The following COPA variants were observed in gnomAD, a reference collection of about 807,000 sequenced individuals.
COPA encodes coat protein complex I subunit alpha, also known as coatomer subunit alpha.
COPA carries 10 observed loss-of-function variants against 158.7 expected under a neutral mutation model. The observed-to-expected ratio is 0.06, with a 90% CI of 0.04 to 0.11. The LOEUF is 0.11. COPA is among the 10% of genes least tolerant of loss of function. The pLI is 1.00. For missense variants in COPA, 1,065 were observed against 1,536.7 expected, an observed-to-expected ratio of 0.69 and a Z score of 5.13; for synonymous variants, 462 against 542.8, an observed-to-expected ratio of 0.85 and a Z score of 2.07.
At position 160,310,128 on chromosome 1, in the gene COPA, A is replaced by G. The variant is rs1030345633; in HGVS notation, c.1143+64T>C. On this transcript the variant is annotated intron_variant, in intron 12 of 32. Transcript: ENST00000241704. ...CTAAGAAGCCATTAAAGATTCCCTAAGGGCATAAGAAAGAGACCTATGGAA... is the reference window on the plus strand; with the variant it reads ...CTAAGAAGCCATTAAAGATTCCCTAGGGGCATAAGAAAGAGACCTATGGAA... The G allele has an allele frequency of 5.0e-6, 5 of 997,614 alleles. No homozygotes were observed. The Admixed American group carries it at 1.1e-4, about 22-fold the overall frequency. The allele number at this position is 997,614 out of a possible 1,614,324, so 61.8% of individuals were successfully genotyped here.
intron 1 of COPA, among the ~76,000 whole-genome samples, chr1:160,341,014 C>T (rs1332617785): frequency 6.6e-6 from 1 of 152,208 alleles, no homozygotes; most frequent in Non-Finnish European, 1.5e-5. Context: ...ACAGGACTCA[C>T]CTTGTTTATT....
intron 3 of COPA, chr1:160,339,705 AT>A: frequency 2.0e-6 from 1 of 500,786 alleles, no homozygotes. Context: ...TTTCTTATTT[AT>A]TTTTGAATTC....
chr1:160,327,410 G>A (rs2101865514), intron 6 of COPA, among the ~76,000 whole-genome samples: 1 of 144,396 alleles, frequency 6.9e-6, no homozygotes, highest in South Asian at 2.3e-4. Context: ...GACGGCGCAT[G>A]CCTGTAATCC....
At chr1:160,320,651 TAGAAAAACTTCTAA>T (rs1659302908) in intron 8 of COPA, among the ~76,000 whole-genome samples, 1 of 55,786 alleles carries the variant, frequency 1.8e-5, no homozygotes, top group African/African-American at 7.5e-5. Context: ...CACGATAAAA[TAGAAAAACTTCTAA>T]AAACCAGTGC....
chr1:160,334,461 T>C (rs1236864508), intron 4 of COPA, among the ~76,000 whole-genome samples: 3 of 152,216 alleles, frequency 2.0e-5, no homozygotes, highest in Admixed American at 1.3e-4. Flanking sequence ...TCCTACTTAA[T>C]AAGTTATCTT....
chr1:160,342,673 C>T (rs191807233), intron 1 of COPA, among the ~76,000 whole-genome samples: 94 of 152,270 alleles, frequency 6.2e-4, no homozygotes, highest in African/African-American at 2.1e-3. Flanking sequence ...TGTTGAGATG[C>T]TGCAGCCAAG....
chr1:160,313,963 T>C, intron 9 of COPA, 27 bp downstream of exon 9: 1 of 1,556,728 alleles, frequency 6.4e-7, no homozygotes. Context: ...TAAGAGAAAG[T>C]TCACACAACA....
chr1:160,326,020 G>A, intron 6 of COPA: 2 of 173,292 alleles, frequency 1.2e-5, no homozygotes, highest in Non-Finnish European at 2.5e-5. Context: ...GGCCCCAAAT[G>A]GTAAACATTC....
chr1:160,339,318 T>C (rs1335548085), intron 3 of COPA: 1 of 152,218 alleles, frequency 6.6e-6, no homozygotes, highest in African/African-American at 2.4e-5. Context: ...AATCTTTTCT[T>C]TAATTACCAC....
chr1:160,299,022 G>A, intron 18 of COPA, 31 bp from the exon 19 acceptor site: 1 of 1,610,516 alleles, frequency 6.2e-7, no homozygotes, highest in Non-Finnish European at 8.5e-7. Context: ...CGGGCAAGAA[G>A]TAGACATCAC....
At chr1:160,336,116 C>G (rs1374696149) in intron 3 of COPA, among the ~76,000 whole-genome samples, 1 of 149,228 alleles carries the variant, frequency 6.7e-6, no homozygotes, top group East Asian at 1.9e-4. Context: ...GAGGTCAAGG[C>G]AGGGGGATCA....
At chr1:160,317,062 C>T (rs1659170334) in intron 8 of COPA, among the ~76,000 whole-genome samples, 1 of 151,962 alleles carries the variant, frequency 6.6e-6, no homozygotes, top group African/African-American at 2.4e-5. Context: ...CCATACAGGC[C>T]AAGAGAGAGA....
At chr1:160,304,425 G>T (rs1023996489) in intron 17 of COPA, among the ~76,000 whole-genome samples, 3 of 151,892 alleles carry the variant, frequency 2.0e-5, no homozygotes, top group South Asian at 4.1e-4. Flanking sequence ...CAGCACTTTG[G>T]GGGGCCAAGG....
At chr1:160,315,107 G>A (rs1461871153) in intron 8 of COPA, among the ~76,000 whole-genome samples, 2 of 152,158 alleles carry the variant, frequency 1.3e-5, no homozygotes, top group Admixed American at 6.5e-5. Flanking sequence ...TGGGGCCACA[G>A]AGAGATGAAA....
In COPA at chr1:160,299,173, G is replaced by A. The variant is rs1272309771; in HGVS notation, c.1759C>T (p.Pro587Ser). Residue 587 changes from proline to serine, a missense_variant, in exon 18 of 33, where the codon CCC becomes TCC. Transcript: ENST00000241704. ...NVYCLDRECRPRVLTIDPTEF... is the reference protein window; with the variant it reads ...NVYCLDRECRSRVLTIDPTEF... ...GTGGGATCAATGGTGAGTACCCGGG[G>A]ACGACACTCCCTGTCTAGGCAGTAT... 1.2e-6 allele frequency: 2 copies of A among 1,614,188 alleles called. No individual in the cohort carries two copies. The highest frequency in any genetic ancestry group is 1.7e-6 in the Non-Finnish European group (2 of 1,180,032).
chr1:160,322,913 T>C (rs1167576028), intron 8 of COPA, among the ~76,000 whole-genome samples: 1 of 152,114 alleles, frequency 6.6e-6, no homozygotes, highest in Non-Finnish European at 1.5e-5. Flanking sequence ...TGCAGCACTA[T>C]TTACAATAGC....
rs530530171 is a variant in COPA at position 160,324,663 on chromosome 1, G to C, written c.606+880C>G. On this transcript the variant is annotated intron_variant, in intron 7 of 32. Coordinates refer to ENST00000241704, the MANE Select transcript of COPA (RefSeq NM_004371.4). ...TAGAGTTTCCCAGCACATGATATGT[G>C]ATATCATCGCTCTGACAGCTAATAG... Among the ~76,000 whole-genome samples, 4 of 152,024 alleles carry C rather than the reference G, an allele frequency of 2.6e-5. No individual in the cohort carries two copies. The South Asian group carries it at 8.3e-4, about 32-fold the overall frequency.
At position 160,291,419 on chromosome 1, in the gene COPA, G is replaced by T. The variant is rs1658226310; in HGVS notation, c.3336C>A (p.Phe1112Leu). The change falls in exon 31 of 33, where the codon TTC (phenylalanine) becomes TTA (leucine). Residue 1112 changes from phenylalanine to leucine, a missense_variant. Phe to Leu is a conservative substitution (Grantham distance 22, BLOSUM62 0). Around this residue, in one of 2 missense-constraint regions of COPA, gnomAD observed 980 missense variants for 1,357.8 expected, o/e 0.72. Coordinates refer to ENST00000241704, the MANE Select transcript of COPA (RefSeq NM_004371.4). Reference sequence around the variant, plus strand: ...CTGTCTTGAAGTTCTTGAGCTTGAAGAACAGATTGAGGGCTGTACGCAGCA... The same window carrying T: ...CTGTCTTGAAGTTCTTGAGCTTGAATAACAGATTGAGGGCTGTACGCAGCA... ...ILVLRTALNL[F>L]FKLKNFKTAA... The T allele has an allele frequency of 3.1e-6, 5 of 1,614,158 alleles. No homozygotes were observed. Among genetic ancestry groups the T allele is most frequent in the Non-Finnish European group, 4.2e-6 (5 of 1,180,032 alleles).
Position 160,289,492 on chromosome 1 carries a change from C to T in COPA, c.*665G>A, listed in dbSNP as rs935102755. 6.6e-6 allele frequency: 1 copy of T among 152,076 alleles called. No homozygotes were observed. Among genetic ancestry groups the T allele is most frequent in the African/African-American group, 2.4e-5 (1 of 41,400 alleles). The allele number at this position is 152,076 out of a possible 1,614,324, so 9.4% of individuals were successfully genotyped here. On this transcript the variant is annotated 3_prime_UTR_variant, in exon 33 of 33. Coordinates refer to ENST00000241704, the MANE Select transcript of COPA (RefSeq NM_004371.4). ...TAGTCACACCAAAATGTATTTATTA[C>T]ATCCTGCTCCTTTCTAGTTGACAGG... is the stretch of plus-strand genomic sequence containing the variant.
Sources: gnomAD v4.1 joint callset for allele counts (sites outside exome capture counted in the v4.1 genomes callset) on GRCh38, gnomAD v4.1.1 for gene constraint, gnomAD v4.1.1 regional missense constraint, MANE v1.5 for transcripts, NCBI Gene and HGNC (gene_info 2026-07-23, HGNC 2026-07-21) for gene names.